The following ADAMTS19 variants were observed in gnomAD, a reference collection of about 807,000 sequenced individuals.
ADAMTS19 encodes the protein ADAM metallopeptidase with thrombospondin type 1 motif 19.
ADAMTS19 carries 93 observed loss-of-function variants against 153.3 expected under a neutral mutation model. The observed-to-expected ratio is 0.61, with a 90% confidence interval of 0.51 to 0.72. The LOEUF (loss-of-function observed/expected upper bound fraction) is 0.72, where lower values mean the gene tolerates loss of function less well. Among genes scored for constraint, ADAMTS19 ranks in the 30% least tolerant of loss-of-function variants. The pLI is 0.00. For synonymous variants in ADAMTS19, 600 were observed against 556.6 expected (o/e 1.08, Z -1.10); for missense variants, 1,482 against 1,552.1 (o/e 0.95, Z 0.76).
intron 1 of ADAMTS19, 104 bp downstream of exon 1, chr5:129,460,586 G>A: frequency 7.9e-7 from 1 of 1,271,702 alleles, no homozygotes; most frequent in Non-Finnish European, 1.1e-6. Context: ...GGAGAGCAGG[G>A]CTCAGTGGGT....
At chr5:129,571,002 C>T (rs1190022464) in intron 7 of ADAMTS19, among the ~76,000 whole-genome samples, 1 of 152,016 alleles carries the variant, frequency 6.6e-6, no homozygotes, top group East Asian at 1.9e-4. Context: ...TGCTTTCTGA[C>T]TCAGACTGAA....
chr5:129,722,052 CA>C (rs1425059612), intron 21 of ADAMTS19, among the ~76,000 whole-genome samples: 15 of 152,104 alleles, frequency 9.9e-5, no homozygotes, highest in Non-Finnish European at 5.9e-5. Flanking sequence ...AATAGTGCTG[CA>C]ATAAACATAT....
chr5:129,498,452 T>G (rs1351427001), intron 2 of ADAMTS19, among the ~76,000 whole-genome samples: 1 of 152,070 alleles, frequency 6.6e-6, no homozygotes, highest in Non-Finnish European at 1.5e-5. Context: ...AAAGCAATCC[T>G]GTTTCTTCTG....
chr5:129,519,714 C>T (rs747642022), intron 3 of ADAMTS19, among the ~76,000 whole-genome samples: 2 of 151,902 alleles, frequency 1.3e-5, no homozygotes, highest in Non-Finnish European at 2.9e-5. Flanking sequence ...GATGTGATTC[C>T]CACTATGCCA....
chr5:129,720,915 C>T (rs1343314177), intron 21 of ADAMTS19, among the ~76,000 whole-genome samples: 1 of 152,188 alleles, frequency 6.6e-6, no homozygotes, highest in South Asian at 2.1e-4. Context: ...TGAGCCATCA[C>T]ATAAATTTCT....
intron 3 of ADAMTS19, among the ~76,000 whole-genome samples, chr5:129,510,585 G>A (rs1400493939): frequency 6.6e-6 from 1 of 151,634 alleles, no homozygotes; most frequent in Non-Finnish European, 1.5e-5. Flanking sequence ...TTCTGTATTG[G>A]GAAATGATAA....
intron 6 of ADAMTS19, among the ~76,000 whole-genome samples, chr5:129,541,336 A>G (rs570757512): frequency 6.6e-6 from 1 of 152,110 alleles, no homozygotes; most frequent in South Asian, 2.1e-4. Context: ...CATTATGTAA[A>G]TCAAATAGTC....
intron 3 of ADAMTS19, among the ~76,000 whole-genome samples, chr5:129,525,278 G>A (rs1403829641): frequency 6.6e-6 from 1 of 152,046 alleles, no homozygotes; most frequent in Non-Finnish European, 1.5e-5. Flanking sequence ...TGCATATGAT[G>A]CTTCTATTTG....
At chr5:129,668,239 G>C (rs1754139386) in intron 16 of ADAMTS19, among the ~76,000 whole-genome samples, 1 of 152,026 alleles carries the variant, frequency 6.6e-6, no homozygotes, top group Non-Finnish European at 1.5e-5. Context: ...TCGTATTTAA[G>C]GCCTACCTGG....
intron 8 of ADAMTS19, among the ~76,000 whole-genome samples, chr5:129,612,177 T>C (rs1355744958): frequency 2.1e-5 from 3 of 139,748 alleles, no homozygotes; most frequent in Non-Finnish European, 4.6e-5. Flanking sequence ...CCTGTGTCCA[T>C]GTGTTCTCAT....
chr5:129,574,739 T>C (rs1561578922), intron 7 of ADAMTS19, among the ~76,000 whole-genome samples: 2 of 151,902 alleles, frequency 1.3e-5, no homozygotes. Flanking sequence ...ATATAAATTC[T>C]TAAAATTTTA....
At chr5:129,605,865 AG>A (rs1434397113) in intron 8 of ADAMTS19, among the ~76,000 whole-genome samples, 1 of 152,202 alleles carries the variant, frequency 6.6e-6, no homozygotes, top group East Asian at 1.9e-4. Flanking sequence ...AGAGATGTTG[AG>A]TTGGGTAAAA....
intron 7 of ADAMTS19, among the ~76,000 whole-genome samples, chr5:129,585,080 C>G (rs749217098): frequency 1.1e-4 from 16 of 152,082 alleles, no homozygotes; most frequent in East Asian, 1.9e-4. Flanking sequence ...GTGGGAAAAG[C>G]GTAGCATTTG....
intron 16 of ADAMTS19, among the ~76,000 whole-genome samples, chr5:129,677,157 A>C (rs1362074994): frequency 1.3e-5 from 2 of 152,218 alleles, no homozygotes; most frequent in Non-Finnish European, 2.9e-5. Context: ...AAAGTTCAAT[A>C]GGAATAAAAT....
chr5:129,481,914 G>C (rs1750425488), intron 2 of ADAMTS19, among the ~76,000 whole-genome samples: 1 of 152,092 alleles, frequency 6.6e-6, no homozygotes, highest in African/African-American at 2.4e-5. Context: ...CTAAGGCCTT[G>C]AATCAAGATT....
chr5:129,509,251 C>T lies in ADAMTS19; in HGVS notation c.913+9C>T, dbSNP rs1751358376. 6.2e-7 allele frequency: 1 copy of T among 1,604,684 alleles called. No individual in the cohort carries two copies. The highest frequency in any genetic ancestry group is 8.5e-7 in the Non-Finnish European group (1 of 1,175,632). On this transcript the variant is annotated intron_variant, in intron 3 of 22. Coordinates refer to ENST00000274487, the MANE Select transcript of ADAMTS19 (RefSeq NM_133638.6). ...CTGTGGTATCATTTCAGGTAAATGC[C>T]TTCTCCTGAAAGAGTTTTAAGTAAA...
rs190722056 is a variant in ADAMTS19 at position 129,651,900 on chromosome 5, T to A, written c.2177-2406T>A. ...ATATGACTGTTCACATCATGAAAAT[T>A]TTCTGATTATTTGAATGTTAATCCT... On this transcript the variant is annotated intron_variant, in intron 13 of 22. Transcript: ENST00000274487. 7.7e-4 allele frequency among the ~76,000 whole-genome samples: 117 copies of A among 152,286 alleles called. 1 individual carries two copies. The highest frequency in any genetic ancestry group is 1.3e-3 in the Non-Finnish European group (90 of 68,020).
chr5:129,702,941 A>AAATATATATATATATATATAT, intron 20 of ADAMTS19, among the ~76,000 whole-genome samples: 207 of 28,822 alleles, frequency 7.2e-3, no homozygotes, highest in Middle Eastern at 0.024. Context: ...AAAAAAAAAA[A>AAATATATATATATATATATAT]ATATATATAT....
At chr5:129,513,139 G>A (rs1332249648) in intron 3 of ADAMTS19, among the ~76,000 whole-genome samples, 8 of 149,910 alleles carry the variant, frequency 5.3e-5, no homozygotes, top group Non-Finnish European at 7.4e-5. Context: ...CAATATCCTC[G>A]ACTATTTATC....
Sources: gnomAD v4.1 joint callset for allele counts (sites outside exome capture counted in the v4.1 genomes callset) on GRCh38, gnomAD v4.1.1 for gene constraint, MANE v1.5 for transcripts, NCBI Gene and HGNC (gene_info 2026-07-23, HGNC 2026-07-21) for gene names.